VWC2L: variants seen among roughly 807,000 people sequenced by gnomAD.
VWC2L encodes the protein von Willebrand factor C domain-containing protein 2-like.
Under a neutral mutation model 21.6 loss-of-function variants are expected in VWC2L, and 10 were observed. The ratio of observed to expected loss-of-function variants is 0.46; its 90% CI spans 0.29 to 0.78. VWC2L has a LOEUF of 0.78. VWC2L is among the 30% of genes least tolerant of loss of function. The probability of loss-of-function intolerance (pLI) is 0.10; values close to 1 mark genes in which losing one functional copy is unlikely to be tolerated. For missense variants in VWC2L, 209 were observed against 277.1 expected, an observed-to-expected ratio of 0.75 and a Z score of 1.74; for synonymous variants, 96 against 94.3, an observed-to-expected ratio of 1.02 and a Z score of -0.10.
At chr2:214,544,815 G>A (rs1450607772) in intron 3 of VWC2L, among the ~76,000 whole-genome samples, 7 of 152,036 alleles carry the variant, frequency 4.6e-5, no homozygotes, top group African/African-American at 9.7e-5. Context: ...CCAACCCTAC[G>A]AGGTAGATGC....
At chr2:214,454,230 A>G (rs1703020103) in intron 3 of VWC2L, among the ~76,000 whole-genome samples, 1 of 152,054 alleles carries the variant, frequency 6.6e-6, no homozygotes, top group Non-Finnish European at 1.5e-5. Context: ...GTGAATAAAG[A>G]CAGTTCTATT....
At chr2:214,470,166 A>G (rs534830186) in intron 3 of VWC2L, among the ~76,000 whole-genome samples, 18 of 152,310 alleles carry the variant, frequency 1.2e-4, no homozygotes, top group Admixed American at 5.2e-4. Flanking sequence ...AGCTGGATGC[A>G]TAAGGTAAAG....
intron 3 of VWC2L, among the ~76,000 whole-genome samples, chr2:214,511,639 G>C (rs893100441): frequency 6.6e-6 from 1 of 152,094 alleles, no homozygotes; most frequent in Admixed American, 6.6e-5. Flanking sequence ...CTAGAACTGA[G>C]AGAAATAAAT....
chr2:214,486,365 C>G (rs1021611555), intron 3 of VWC2L, among the ~76,000 whole-genome samples: 5 of 152,176 alleles, frequency 3.3e-5, no homozygotes, highest in Admixed American at 1.3e-4. Context: ...ACAGCGTGTT[C>G]TTACAAGAAA....
At chr2:214,437,752 T>A (rs1482923172) in intron 3 of VWC2L, among the ~76,000 whole-genome samples, 1 of 152,170 alleles carries the variant, frequency 6.6e-6, no homozygotes, top group Non-Finnish European at 1.5e-5. Flanking sequence ...AAAATAAGCA[T>A]AAAGATATCT....
At chr2:214,492,881 A>T (rs1330862133) in intron 3 of VWC2L, among the ~76,000 whole-genome samples, 2 of 152,196 alleles carry the variant, frequency 1.3e-5, no homozygotes, top group African/African-American at 4.8e-5. Context: ...CAGTACATAA[A>T]GGATGTGAGT....
intron 3 of VWC2L, among the ~76,000 whole-genome samples, chr2:214,515,532 TTTTCA>T (rs1424455206): frequency 1.3e-5 from 2 of 152,048 alleles, no homozygotes; most frequent in East Asian, 3.9e-4. Flanking sequence ...TCCACATGGT[TTTTCA>T]TTTATTTATT....
rs528295706 is a variant in VWC2L, at chr2:214,473,163, AC to A, written c.520+36406del. Reference sequence around the variant, plus strand: ...TTATTTGAAAGTAAGCAAATTGCTCACAATAAAAGCTGAGTACATTTCAATC... The same window carrying A: ...TTATTTGAAAGTAAGCAAATTGCTCAAATAAAAGCTGAGTACATTTCAATC... On this transcript the variant is annotated intron_variant, in intron 3 of 3. Coordinates refer to ENST00000312504, the MANE Select transcript of VWC2L (RefSeq NM_001080500.4). Among the ~76,000 whole-genome samples the A allele has an allele frequency of 7.2e-5, 11 of 152,328 alleles. No individual in the cohort carries two copies. In the South Asian group the frequency reaches 1.9e-3, roughly 26 times the overall value.
chr2:214,521,810 A>T (rs1574614099), intron 3 of VWC2L, among the ~76,000 whole-genome samples: 1 of 152,140 alleles, frequency 6.6e-6, no homozygotes, highest in African/African-American at 2.4e-5. Flanking sequence ...TCAGCACATC[A>T]CTCTGGCCAC....
chr2:214,451,942 T>A (rs1702960911), intron 3 of VWC2L, among the ~76,000 whole-genome samples: 1 of 152,222 alleles, frequency 6.6e-6, no homozygotes, highest in African/African-American at 2.4e-5. Flanking sequence ...CCTGTGAAAC[T>A]ATTGTCATAA....
chr2:214,480,358 A>T (rs950962537), intron 3 of VWC2L, among the ~76,000 whole-genome samples: 2 of 152,212 alleles, frequency 1.3e-5, no homozygotes, highest in African/African-American at 4.8e-5. Context: ...AAAGATGATT[A>T]AGTTTCCATG....
chr2:214,421,234 A>C (rs1486740243), intron 2 of VWC2L, among the ~76,000 whole-genome samples: 1 of 152,216 alleles, frequency 6.6e-6, no homozygotes, highest in Non-Finnish European at 1.5e-5. Flanking sequence ...TTTCTTAAAA[A>C]ATTGCATTGA....
At chr2:214,443,629 T>C (rs1256520253) in intron 3 of VWC2L, among the ~76,000 whole-genome samples, 2 of 152,084 alleles carry the variant, frequency 1.3e-5, no homozygotes, top group Non-Finnish European at 2.9e-5. Context: ...AAGCAAAAAG[T>C]AATGACAAAT....
chr2:214,412,353 C>G (rs925741814), intron 1 of VWC2L, among the ~76,000 whole-genome samples: 12 of 151,994 alleles, frequency 7.9e-5, no homozygotes, highest in African/African-American at 2.9e-4. Flanking sequence ...TTCTTTTCCT[C>G]CAAGATAAAC....
chr2:214,450,639 G>A (rs1328230941), intron 3 of VWC2L, among the ~76,000 whole-genome samples: 1 of 152,138 alleles, frequency 6.6e-6, no homozygotes, highest in African/African-American at 2.4e-5. Flanking sequence ...TGGATGACAG[G>A]GAGACAGCAG....
chr2:214,497,882 A>C (rs1000273439), intron 3 of VWC2L, among the ~76,000 whole-genome samples: 1 of 152,346 alleles, frequency 6.6e-6, no homozygotes, highest in Non-Finnish European at 1.5e-5. Flanking sequence ...CTTCTGTTAA[A>C]TCTGTAGTAT....
At chr2:214,453,879 C>G (rs1574572993) in intron 3 of VWC2L, among the ~76,000 whole-genome samples, 1 of 151,950 alleles carries the variant, frequency 6.6e-6, no homozygotes, top group Admixed American at 6.6e-5. Context: ...TGCTGCCACA[C>G]CCAGCTAATT....
At chr2:214,549,021 G>T (rs563146407) in intron 3 of VWC2L, among the ~76,000 whole-genome samples, 12 of 152,246 alleles carry the variant, frequency 7.9e-5, no homozygotes, top group African/African-American at 2.6e-4. Flanking sequence ...TGTTCTGGAG[G>T]CTCCAAGAAA....
rs555647988 is a variant in VWC2L at position 214,486,514 on chromosome 2, G to GC, written c.520+49760dup. Among the ~76,000 whole-genome samples, 5 of 152,216 alleles carry GC rather than the reference G, an allele frequency of 3.3e-5. No individual in the cohort carries two copies. The South Asian group carries it at 1.0e-3, about 32-fold the overall frequency. On this transcript the variant is annotated intron_variant, in intron 3 of 3. Transcript: ENST00000312504. ...CTGCTTCATAGAACTGCTCAGAACA[G>GC]CCCCTTACTGCACTGGTAATTACAT... is the stretch of plus-strand genomic sequence containing the variant.
Sources: allele counts gnomAD v4.1 joint callset (sites outside exome capture counted in the v4.1 genomes callset), GRCh38; gene constraint gnomAD v4.1.1; transcripts MANE v1.5; gene names NCBI Gene and HGNC (gene_info 2026-07-23, HGNC 2026-07-21).